Variants in CLPX observed in about 807,000 individuals in gnomAD.
CLPX encodes ATP-dependent clpX-like chaperone, mitochondrial.
A neutral mutation model predicts 76.4 loss-of-function variants in CLPX; 34 were observed. The observed-to-expected ratio is 0.45, with a 90% confidence interval of 0.34 to 0.59. The LOEUF (loss-of-function observed/expected upper bound fraction) is 0.59, where lower values mean the gene tolerates loss of function less well. CLPX is among the 20% of genes least tolerant of loss of function. The probability of loss-of-function intolerance (pLI) is 0.01; values close to 1 mark genes in which losing one functional copy is unlikely to be tolerated. For synonymous variants in CLPX, 248 were observed against 270.9 expected (o/e 0.92, Z 0.83); for missense variants, 613 against 757.0 (o/e 0.81, Z 2.23).
intron 3 of CLPX, among the ~76,000 whole-genome samples, chr15:65,168,301 A>AGCT (rs2087946334): frequency 1.5e-5 from 2 of 133,860 alleles, no homozygotes; most frequent in African/African-American, 2.8e-5. Context: ...GGAGAATGGT[A>AGCT]TGAACCCGGG....
Position 65,153,557 on chromosome 15 carries a change from C to T in CLPX, c.1694G>A (p.Arg565Gln), listed in dbSNP as rs770495927. The T allele has an allele frequency of 4.4e-6, 7 of 1,589,472 alleles. No individual in the cohort carries two copies. Among genetic ancestry groups the T allele is most frequent in the African/African-American group, 1.4e-5 (1 of 73,832 alleles). The change falls in exon 12 of 14, where the codon CGG (arginine) becomes CAG (glutamine). Residue 565 changes from arginine (R) to glutamine (Q), a missense_variant. By Grantham distance (43) the Arg-to-Gln change is conservative (BLOSUM62 1). Transcript: ENST00000300107. ...ATAATGCCAACTCACCATTATGGAC[C>T]GAAGGCCTCGTGCACCTGTTTTTCG... Reference protein sequence around the residue: ...LERKTGARGLRSIMEKLLLEP... With the variant: ...LERKTGARGLQSIMEKLLLEP...
chr15:65,152,659 ATATATATATAAACATATATATGGGAT>A (rs1353702344), intron 12 of CLPX, 123 bp from the exon 13 acceptor site: 3 of 227,636 alleles, frequency 1.3e-5, no homozygotes, highest in Admixed American at 1.1e-4. Flanking sequence ...ACAAATATAT[ATATATATATAAACATATATATGGGAT>A]TATATATATA....
intron 3 of CLPX, among the ~76,000 whole-genome samples, chr15:65,176,002 T>C (rs1344555924): frequency 6.6e-6 from 1 of 152,228 alleles, no homozygotes; most frequent in Non-Finnish European, 1.5e-5. Flanking sequence ...ACATTTGCTA[T>C]TAATTTTGCA....
At position 65,185,029 on chromosome 15, in the gene CLPX, C is replaced by CG. The variant is rs1436611212; in HGVS notation, c.79+45_79+46insC. ...GCCCCCAACCATTGGCCAGTCCACCCCCCCCCCGACAGGCTGAGGGCTCAG... is the reference window on the plus strand; with the variant it reads ...GCCCCCAACCATTGGCCAGTCCACCCGCCCCCCCGACAGGCTGAGGGCTCAG... On this transcript the variant is annotated intron_variant, in intron 1 of 13. Coordinates refer to ENST00000300107, the MANE Select transcript of CLPX (RefSeq NM_006660.5). 4.7e-6 allele frequency: 7 copies of CG among 1,493,268 alleles called. No individual in the cohort carries two copies. The African/African-American group carries it at 8.3e-5, about 18-fold the overall frequency. 92.5% of individuals were successfully genotyped at this position (1,493,268 alleles called of 1,614,324 possible). A position where few individuals can be genotyped will look rare whatever the true frequency, so the allele number is the denominator to read the frequency against.
At chr15:65,160,795 T>A (rs969171314) in intron 6 of CLPX, among the ~76,000 whole-genome samples, 4 of 152,224 alleles carry the variant, frequency 2.6e-5, no homozygotes, top group Admixed American at 6.5e-5. Flanking sequence ...ATATCCATCA[T>A]CCCATTTTAT....
At chr15:65,157,252 C>T (rs918583155) in intron 8 of CLPX, among the ~76,000 whole-genome samples, 1 of 152,172 alleles carries the variant, frequency 6.6e-6, no homozygotes, top group Admixed American at 6.5e-5. Flanking sequence ...ATTAACAAAA[C>T]TTTAGCTTAC....
chr15:65,176,556 T>G (rs1452482514), intron 3 of CLPX, among the ~76,000 whole-genome samples: 1 of 152,114 alleles, frequency 6.6e-6, no homozygotes, highest in Non-Finnish European at 1.5e-5. Context: ...GTTTCTTTCC[T>G]TTTCTACTCT....
chr15:65,153,633 G>A lies in CLPX; in HGVS notation c.1618C>T (p.Leu540=). Reference sequence around the variant, plus strand: ...TTCAAAGCATCCTCAGTAACATTCAGTTCACACTACAAATACATTAAAAAT... The same window carrying A: ...TTCAAAGCATCCTCAGTAACATTCAATTCACACTACAAATACATTAAAAAT... ...QALFSMDKCE[L]NVTEDALKAI... Residue 540 remains leucine, a synonymous_variant, in exon 12 of 14, where the codon CTG becomes TTG. Transcript: ENST00000300107. 1 of 1,538,400 alleles carries A rather than the reference G, an allele frequency of 6.5e-7. No homozygotes were observed. Among genetic ancestry groups the A allele is most frequent in the Non-Finnish European group, 8.8e-7 (1 of 1,135,910 alleles).
intron 3 of CLPX, among the ~76,000 whole-genome samples, chr15:65,171,509 T>C (rs1387527437): frequency 1.3e-5 from 2 of 152,068 alleles, no homozygotes; most frequent in South Asian, 4.1e-4. Flanking sequence ...AGCGGTTTCA[T>C]CCATGTTTCC....
intron 3 of CLPX, among the ~76,000 whole-genome samples, chr15:65,172,824 G>A (rs2088029181): frequency 6.6e-6 from 1 of 152,110 alleles, no homozygotes; most frequent in Non-Finnish European, 1.5e-5. Context: ...AGGATCACTT[G>A]AGCCCAAGAG....
At chr15:65,155,181 TGAA>T (rs988561293) in intron 10 of CLPX, 100 bp from the exon 11 acceptor site, 33 of 1,031,110 alleles carry the variant, frequency 3.2e-5, no homozygotes, top group African/African-American at 1.9e-4. Flanking sequence ...AACAACTCTA[TGAA>T]GAAGGTTTTA....
chr15:65,175,302 A>G (rs2088075334), intron 3 of CLPX, among the ~76,000 whole-genome samples: 2 of 152,202 alleles, frequency 1.3e-5, no homozygotes, highest in Non-Finnish European at 2.9e-5. Context: ...CCTGGCCAAC[A>G]AGGTGAAACC....
chr15:65,151,341 T>A, intron 13 of CLPX, among the ~76,000 whole-genome samples: 1 of 63,488 alleles, frequency 1.6e-5, no homozygotes, highest in Non-Finnish European at 2.9e-5. Context: ...CAAGACTGAG[T>A]CTCAAAAAAA....
intron 6 of CLPX, among the ~76,000 whole-genome samples, chr15:65,160,626 C>CACACACAT (rs2087844980): frequency 2.4e-4 from 7 of 29,054 alleles, no homozygotes; most frequent in African/African-American, 6.6e-4. Context: ...CTCTCTCTCA[C>CACACACAT]ACACACACAC....
At chr15:65,156,030 A>G (rs191452278) in intron 9 of CLPX, among the ~76,000 whole-genome samples, 174 bp from the exon 10 acceptor site, 112 of 152,356 alleles carry the variant, frequency 7.4e-4, no homozygotes, top group Non-Finnish European at 1.3e-3. Flanking sequence ...TATCACATTA[A>G]TAATTAATAC....
rs752997643 is a variant in CLPX, at chr15:65,185,142, G to A, written c.12C>T (p.Cys4=). Residue 4 remains cysteine, a synonymous_variant, in exon 1 of 14, where the codon TGC becomes TGT. Transcript: ENST00000300107. Reference sequence around the variant, plus strand: ...CCGCCGCGCCGCAAGTACAAGCACCGCAGCTGGGCATCTCCGCGAGGCCTA... The same window carrying A: ...CCGCCGCGCCGCAAGTACAAGCACCACAGCTGGGCATCTCCGCGAGGCCTA... The part of the protein sequence containing the change: MPS[C]GACTCGAAAV... 1.3e-5 allele frequency: 20 copies of A among 1,570,396 alleles called. No individual in the cohort carries two copies. The Admixed American group carries it at 3.8e-4, about 30-fold the overall frequency.
At chr15:65,160,623 T>TCTCTCTCTCTCTCTCTCTCCCACA in intron 6 of CLPX, among the ~76,000 whole-genome samples, 1 of 100,970 alleles carries the variant, frequency 9.9e-6, no homozygotes, top group Non-Finnish European at 2.1e-5. Flanking sequence ...TCTCTCTCTC[T>TCTCTCTCTCTCTCTCTCTCCCACA]CACACACACA....
At position 65,159,462 on chromosome 15, in the gene CLPX, T is replaced by A. The variant is rs1351542321; in HGVS notation, c.716-711A>T. Among the ~76,000 whole-genome samples, 3 of 152,054 alleles carry A rather than the reference T, an allele frequency of 2.0e-5. No individual in the cohort carries two copies. The East Asian group carries it at 5.8e-4, about 29-fold the overall frequency. On this transcript the variant is annotated intron_variant, in intron 6 of 13. Coordinates refer to ENST00000300107, the MANE Select transcript of CLPX (RefSeq NM_006660.5). ...CCCATCTCTACTAAAAATAAAAAAT[T>A]AGCCAGATGTGATGGCACGCGCCTA...
At position 65,166,794 on chromosome 15, in the gene CLPX, G is replaced by A; in HGVS notation, c.359-9C>T. 6.2e-7 allele frequency: 1 copy of A among 1,609,542 alleles called. No individual in the cohort carries two copies. The highest frequency in any genetic ancestry group is 2.2e-5 in the East Asian group (1 of 44,798). ...GACAAAACGGGTGGATGCTGTAAAA[G>A]AAAACAGACATAAGTAGAGGGAAAT... On this transcript the variant is annotated splice_polypyrimidine_tract_variant and intron_variant, in intron 3 of 13. Coordinates refer to ENST00000300107, the MANE Select transcript of CLPX (RefSeq NM_006660.5).
Sources: gnomAD v4.1 joint callset for allele counts (sites outside exome capture counted in the v4.1 genomes callset) on GRCh38, gnomAD v4.1.1 for gene constraint, MANE v1.5 for transcripts, NCBI Gene and HGNC (gene_info 2026-07-23, HGNC 2026-07-21) for gene names.